PXYLP1: variants seen among roughly 807,000 people sequenced by gnomAD.
PXYLP1 encodes the protein acid phosphatase-like 2.
In PXYLP1, 17 loss-of-function variants were observed where a neutral mutation model predicts 37.9. That is an observed-to-expected ratio of 0.45 (90% CI 0.31 to 0.67). PXYLP1 has a LOEUF of 0.67. PXYLP1 is among the 30% of genes least tolerant of loss of function. PXYLP1 has a pLI of 0.07. For synonymous variants in PXYLP1, 221 were observed against 232.2 expected (o/e 0.95, Z 0.44); for missense variants, 511 against 612.0 (o/e 0.84, Z 1.74).
intron 2 of PXYLP1, chr3:141,273,245 G>A: frequency 1.0e-6 from 1 of 985,428 alleles, no homozygotes; most frequent in Non-Finnish European, 1.2e-6. Context: ...ATACATGTTG[G>A]ATGGCCAGAT....
intron 1 of PXYLP1, among the ~76,000 whole-genome samples, chr3:141,248,616 TATACAC>T (rs1941035081): frequency 3.0e-5 from 4 of 131,646 alleles, no homozygotes; most frequent in African/African-American, 1.3e-4. Context: ...CACACGTATA[TATACAC>T]ACACGTATAT....
Position 141,292,205 on chromosome 3 carries a change from C to G in PXYLP1, c.506-63C>G, listed in dbSNP as rs1164374329. The G allele has an allele frequency of 1.3e-6, 2 of 1,481,962 alleles. No individual in the cohort carries two copies. Among genetic ancestry groups the G allele is most frequent in the African/African-American group, 1.4e-5 (1 of 71,090 alleles). The allele number at this position is 1,481,962 out of a possible 1,614,324, so 91.8% of individuals were successfully genotyped here. On this transcript the variant is annotated intron_variant, in intron 5 of 5. Coordinates refer to ENST00000286353, the MANE Select transcript of PXYLP1 (RefSeq NM_001037172.3). This position sits in a 1 kb window ranked among gnomAD's most constrained non-coding sequence, Gnocchi z 4.3. Reference sequence around the variant, plus strand: ...CTCCAGAGCCACACGCTGACTCCACCTCCCCTTGCTGTTTCTTTTGCTCAG... The same window carrying G: ...CTCCAGAGCCACACGCTGACTCCACGTCCCCTTGCTGTTTCTTTTGCTCAG...
At chr3:141,277,427 G>A (rs1941823422) in intron 2 of PXYLP1, among the ~76,000 whole-genome samples, 1 of 152,096 alleles carries the variant, frequency 6.6e-6, no homozygotes, top group South Asian at 2.1e-4. Flanking sequence ...ACATTCCCTA[G>A]GCACGGAGAG....
At chr3:141,274,392 C>G (rs2148801466) in intron 2 of PXYLP1, 1 of 1,444,988 alleles carries the variant, frequency 6.9e-7, no homozygotes, top group East Asian at 2.5e-5. Flanking sequence ...CTTGCTGACC[C>G]CCATCTGCCA....
chr3:141,276,179 CAA>C (rs1415179868), intron 2 of PXYLP1, among the ~76,000 whole-genome samples: 1 of 152,298 alleles, frequency 6.6e-6, no homozygotes, highest in Non-Finnish European at 1.5e-5. Flanking sequence ...TACACTATGA[CAA>C]AATTGCCTAA....
chr3:141,233,332 G>A (rs2107845957), intron 1 of PXYLP1, among the ~76,000 whole-genome samples: 1 of 152,254 alleles, frequency 6.6e-6, no homozygotes, highest in Admixed American at 6.5e-5. Context: ...AGGCGTGGTG[G>A]TGCATACCTG....
At chr3:141,268,211 G>C (rs1941578383) in intron 2 of PXYLP1, among the ~76,000 whole-genome samples, 1 of 31,720 alleles carries the variant, frequency 3.2e-5, no homozygotes, top group Non-Finnish European at 9.3e-5. Flanking sequence ...GAGAGAGTGT[G>C]TGTGTGTGTG....
chr3:141,279,842 C>T (rs1941905300), intron 4 of PXYLP1, among the ~76,000 whole-genome samples: 1 of 152,338 alleles, frequency 6.6e-6, no homozygotes, highest in Non-Finnish European at 1.5e-5. Context: ...TTCAGAGCAG[C>T]GGGCAAGCCC....
chr3:141,235,662 A>G (rs543955338), intron 1 of PXYLP1: 1 of 152,400 alleles, frequency 6.6e-6, no homozygotes, highest in South Asian at 2.1e-4. Flanking sequence ...TGATAGAAGC[A>G]TCTCCCAGGG....
In PXYLP1 at chr3:141,294,672, C is replaced by A. The variant is rs1278063246; in HGVS notation, c.*1467C>A. 1.3e-5 allele frequency: 2 copies of A among 152,188 alleles called. No individual in the cohort carries two copies. The highest frequency in any genetic ancestry group is 2.9e-5 in the Non-Finnish European group (2 of 68,026). The allele number at this position is 152,188 out of a possible 1,614,324, so 9.4% of individuals were successfully genotyped here. On this transcript the variant is annotated 3_prime_UTR_variant, in exon 6 of 6. Transcript: ENST00000286353. ...ACTAATGGTTTGTACCTATAAGTCACTCGAGTTATTTTCAAGTGAGAGCCA... is the reference window on the plus strand; with the variant it reads ...ACTAATGGTTTGTACCTATAAGTCAATCGAGTTATTTTCAAGTGAGAGCCA...
At chr3:141,255,459 G>A (rs1559884164) in intron 1 of PXYLP1, among the ~76,000 whole-genome samples, 1 of 152,208 alleles carries the variant, frequency 6.6e-6, no homozygotes, top group Admixed American at 6.5e-5. Flanking sequence ...GAAGGTGATG[G>A]GACTTGAGAG....
chr3:141,274,505 A>T (rs1212508748), intron 2 of PXYLP1: 1 of 1,518,666 alleles, frequency 6.6e-7, no homozygotes, highest in Non-Finnish European at 8.8e-7. Context: ...CTCCTCTGGG[A>T]AGCCTGTTTG....
chr3:141,252,363 G>C (rs1941158967), intron 1 of PXYLP1, among the ~76,000 whole-genome samples: 1 of 152,172 alleles, frequency 6.6e-6, no homozygotes, highest in African/African-American at 2.4e-5. Context: ...TTTAGTTCAT[G>C]GTTATGCAGT....
rs1311028219 is a variant in PXYLP1 at position 141,278,322 on chromosome 3, C to T, written c.80-20C>T. On this transcript the variant is annotated intron_variant, in intron 2 of 5. Transcript: ENST00000286353. ...GCGCCCCAGGAACTGTGCGTCACAA[C>T]CTGCCTTACTTCGTTTCAGTCCACC... 1.2e-6 allele frequency: 2 copies of T among 1,613,798 alleles called. No individual in the cohort carries two copies. The highest frequency in any genetic ancestry group is 1.7e-6 in the Non-Finnish European group (2 of 1,179,778).
intron 4 of PXYLP1, among the ~76,000 whole-genome samples, chr3:141,280,353 G>C (rs80209660): frequency 6.6e-6 from 1 of 152,188 alleles, no homozygotes; most frequent in Non-Finnish European, 1.5e-5. Context: ...TTTGTAGCTC[G>C]TCTTGCAGGG....
At chr3:141,236,800 T>G (rs1331876687) in intron 1 of PXYLP1, among the ~76,000 whole-genome samples, 1 of 152,192 alleles carries the variant, frequency 6.6e-6, no homozygotes, top group African/African-American at 2.4e-5. Context: ...GTAGAACAAA[T>G]TTTTGGAAGC....
At chr3:141,268,780 C>T (rs953496295) in intron 2 of PXYLP1, among the ~76,000 whole-genome samples, 1 of 152,256 alleles carries the variant, frequency 6.6e-6, no homozygotes, top group Admixed American at 6.5e-5. Flanking sequence ...CTGTCACACA[C>T]ACTACAGATG....
At chr3:141,270,029 G>A (rs1284199984) in intron 2 of PXYLP1, among the ~76,000 whole-genome samples, 1 of 152,250 alleles carries the variant, frequency 6.6e-6, no homozygotes, top group Admixed American at 6.5e-5. Flanking sequence ...AAGGAGGGAG[G>A]AGATAGAGCG....
chr3:141,262,356 G>GT (rs1941411634), intron 2 of PXYLP1: 1 of 1,020,876 alleles, frequency 9.8e-7, no homozygotes, highest in African/African-American at 1.7e-5. Flanking sequence ...ATATTCAGTA[G>GT]TTTAATTGTT....
Sources: gnomAD v4.1 joint callset for allele counts (sites outside exome capture counted in the v4.1 genomes callset) on GRCh38, gnomAD v4.1.1 for gene constraint, Gnocchi (gnomAD v3.1) non-coding constraint, MANE v1.5 for transcripts, NCBI Gene and HGNC (gene_info 2026-07-23, HGNC 2026-07-21) for gene names.